Variants in MYO3A observed in about 807,000 individuals in gnomAD.
MYO3A encodes the protein myosin-IIIa.
A neutral mutation model predicts 192.7 loss-of-function variants in MYO3A; 180 were observed. The observed-to-expected ratio is 0.93, with a 90% confidence interval of 0.83 to 1.06. MYO3A has a LOEUF of 1.06. Ranked by LOEUF, MYO3A falls within the 50% of genes least tolerant of loss-of-function variation. The pLI is 0.00. For synonymous variants in MYO3A, 628 were observed against 645.3 expected, an observed-to-expected ratio of 0.97 and a Z score of 0.41; for missense variants, 1,896 against 1,905.0, an observed-to-expected ratio of 1.00 and a Z score of 0.09.
intron 17 of MYO3A, among the ~76,000 whole-genome samples, chr10:26,100,093 G>A (rs568747614): frequency 2.1e-4 from 32 of 151,660 alleles, no homozygotes; most frequent in East Asian, 3.9e-4. Flanking sequence ...TTCAAAGCCC[G>A]TTGGTCTATT....
intron 15 of MYO3A, 144 bp from the exon 16 acceptor site, chr10:26,096,237 T>C: frequency 1.6e-6 from 1 of 643,550 alleles, no homozygotes; most frequent in Non-Finnish European, 2.8e-6. Context: ...ATGACAACAA[T>C]AATGACCACA....
rs778276695 is a variant in MYO3A at position 26,157,408 on chromosome 10, CAA to C, written c.2894_2895del (p.Lys965ArgfsTer31). ...GTGAGCGTCAGGCAAGAAAATATGA[CAA>C]AGAGAAAGTTCTGCTACAGCTTCGG... ...NSERQARKYD[K>X]EKVLLQLRYT... On this transcript the variant is annotated frameshift_variant, in exon 26 of 35. Transcript: ENST00000642920. LOFTEE classifies it high-confidence loss of function. The C allele has an allele frequency of 3.7e-6, 6 of 1,613,974 alleles. No individual in the cohort carries two copies. The highest frequency in any genetic ancestry group is 4.2e-6 in the Non-Finnish European group (5 of 1,180,008).
intron 19 of MYO3A, among the ~76,000 whole-genome samples, chr10:26,127,226 C>T (rs1249930088): frequency 6.6e-6 from 1 of 152,108 alleles, no homozygotes; most frequent in Non-Finnish European, 1.5e-5. Flanking sequence ...TTCCATTCCT[C>T]TTGAAAGCCA....
At chr10:26,192,645 CCTTT>C (rs1843199866) in intron 31 of MYO3A, among the ~76,000 whole-genome samples, 2 of 122,884 alleles carry the variant, frequency 1.6e-5, no homozygotes, top group Non-Finnish European at 3.3e-5. Flanking sequence ...TCCCTCCCTT[CCTTT>C]CTTTCCTTTT....
intron 4 of MYO3A, among the ~76,000 whole-genome samples, chr10:25,963,025 C>T (rs772973352): frequency 3.3e-5 from 5 of 152,172 alleles, no homozygotes; most frequent in Admixed American, 6.5e-5. Flanking sequence ...CCCTTTCCCT[C>T]ATAATCCAAT....
At position 26,067,073 on chromosome 10, in the gene MYO3A, A is replaced by C. The variant is rs141612979; in HGVS notation, c.1052A>C (p.Glu351Ala). 69 of 1,590,530 alleles carry C rather than the reference A, an allele frequency of 4.3e-5. No individual in the cohort carries two copies. The African/African-American group carries it at 8.6e-4, about 20-fold the overall frequency. ...DDLATLEILD[E>A]NTVSEQLEKC... ...TTAGCAACCCTAGAAATTTTGGATG[A>C]GGTAAGAATTTCAGTTTAATTAAAC... Residue 351 changes from glutamate (E) to alanine (A), a missense_variant and splice_region_variant, in exon 11 of 35, where the codon GAG becomes GCG. Transcript: ENST00000642920.
chr10:26,004,543 A>G (rs1469813269), intron 6 of MYO3A, among the ~76,000 whole-genome samples: 1 of 152,132 alleles, frequency 6.6e-6, no homozygotes, highest in African/African-American at 2.4e-5. Flanking sequence ...AAGAGAGCAC[A>G]TCTAGCACCT....
intron 22 of MYO3A, among the ~76,000 whole-genome samples, chr10:26,146,389 A>G (rs1202430413): frequency 6.6e-6 from 1 of 152,256 alleles, no homozygotes; most frequent in African/African-American, 2.4e-5. Flanking sequence ...TCGGGCTGCC[A>G]TAACAAAAAT....
At chr10:26,050,757 T>C (rs184608862) in intron 10 of MYO3A, among the ~76,000 whole-genome samples, 1 of 151,964 alleles carries the variant, frequency 6.6e-6, no homozygotes, top group Non-Finnish European at 1.5e-5. Context: ...ACATTTTTTT[T>C]CTTTAGCCTC....
intron 34 of MYO3A, among the ~76,000 whole-genome samples, chr10:26,205,481 G>GC (rs1423061599): frequency 4.3e-5 from 6 of 138,148 alleles, no homozygotes; most frequent in Admixed American, 1.4e-4. Context: ...TTTTTTTTTG[G>GC]GGGGGGGCTT....
At chr10:25,957,296 TA>T (rs905531133) in intron 4 of MYO3A, among the ~76,000 whole-genome samples, 3 of 152,160 alleles carry the variant, frequency 2.0e-5, no homozygotes, top group Non-Finnish European at 4.4e-5. Context: ...GATGGTTTTA[TA>T]AGGGGAAAAT....
chr10:26,069,767 A>G (rs1296569553), intron 12 of MYO3A, among the ~76,000 whole-genome samples: 5 of 152,046 alleles, frequency 3.3e-5, no homozygotes, highest in African/African-American at 1.2e-4. Flanking sequence ...GCAGTTAACA[A>G]ACTGAAACCC....
In MYO3A at chr10:26,014,040, T is replaced by C. The variant is rs965929683; in HGVS notation, c.509-2780T>C. 3.9e-5 allele frequency among the ~76,000 whole-genome samples: 6 copies of C among 152,008 alleles called. 1 individual carries two copies. The highest frequency in any genetic ancestry group is 3.9e-4 in the Admixed American group (6 of 15,250). Reference sequence around the variant, plus strand: ...CACAGGAGTAGAGAACCAAAAACCATATATTATCACTTATAAGTGGGAGCT... The same window carrying C: ...CACAGGAGTAGAGAACCAAAAACCACATATTATCACTTATAAGTGGGAGCT... On this transcript the variant is annotated intron_variant, in intron 6 of 34. Coordinates refer to ENST00000642920, the MANE Select transcript of MYO3A (RefSeq NM_017433.5).
At chr10:25,956,981 A>G (rs921919395) in intron 4 of MYO3A, among the ~76,000 whole-genome samples, 1 of 152,154 alleles carries the variant, frequency 6.6e-6, no homozygotes, top group African/African-American at 2.4e-5. Context: ...AACATGTGAC[A>G]TTTGATTTTC....
At position 25,951,447 on chromosome 10, in the gene MYO3A, G is replaced by A. The variant is rs373477887; in HGVS notation, c.-17-647G>A. ...GAGGTCTGAAAGATTAGTAGGTTTT[G>A]CAATTTAGCAAAGAAGCCACAGGCA... On this transcript the variant is annotated intron_variant, in intron 2 of 34. Transcript: ENST00000642920. Among the ~76,000 whole-genome samples, 12 of 152,232 alleles carry A rather than the reference G, an allele frequency of 7.9e-5. No individual in the cohort carries two copies. The South Asian group carries it at 2.5e-3, about 32-fold the overall frequency.
intron 7 of MYO3A, 69 bp downstream of exon 7, chr10:26,016,965 T>C: frequency 7.2e-7 from 1 of 1,395,894 alleles, no homozygotes; most frequent in South Asian, 1.2e-5. Flanking sequence ...TTATGTGTAC[T>C]CTATCTCTGT....
At chr10:26,011,120 A>G (rs573253944) in intron 6 of MYO3A, among the ~76,000 whole-genome samples, 3 of 152,142 alleles carry the variant, frequency 2.0e-5, no homozygotes, top group East Asian at 1.9e-4. Context: ...TCACAGGTCT[A>G]TTTACATATT....
chr10:26,195,951 T>C (rs184769979), intron 32 of MYO3A, among the ~76,000 whole-genome samples: 9 of 152,206 alleles, frequency 5.9e-5, no homozygotes, highest in African/African-American at 2.2e-4. Flanking sequence ...GCAATAAATA[T>C]GTGTTGTACA....
At chr10:26,211,585 C>A (rs534572051) in intron 34 of MYO3A, among the ~76,000 whole-genome samples, 1 of 152,152 alleles carries the variant, frequency 6.6e-6, no homozygotes, top group Non-Finnish European at 1.5e-5. Flanking sequence ...CCTTCTGAAG[C>A]TTTAGTTAGC....
Sources: gnomAD v4.1 joint callset for allele counts (sites outside exome capture counted in the v4.1 genomes callset) on GRCh38, gnomAD v4.1.1 for gene constraint, MANE v1.5 for transcripts, NCBI Gene and HGNC (gene_info 2026-07-23, HGNC 2026-07-21) for gene names.